Variants in FNDC3B observed in about 807,000 individuals in gnomAD.
FNDC3B encodes fibronectin type III domain containing 3B, also known as fibronectin type III domain-containing protein 3B.
A neutral mutation model predicts 151.5 loss-of-function variants in FNDC3B; 12 were observed. That is an observed-to-expected ratio of 0.08 (90% CI 0.05 to 0.13). FNDC3B has a LOEUF of 0.13. Among genes scored for constraint, FNDC3B ranks in the 10% least tolerant of loss-of-function variants. The probability of loss-of-function intolerance (pLI) is 1.00; values close to 1 mark genes in which losing one functional copy is unlikely to be tolerated. For synonymous variants in FNDC3B, 528 were observed against 549.0 expected, an observed-to-expected ratio of 0.96 and a Z score of 0.54; for missense variants, 1,214 against 1,505.3, an observed-to-expected ratio of 0.81 and a Z score of 3.20.
intron 1 of FNDC3B, among the ~76,000 whole-genome samples, chr3:172,111,423 G>A (rs546271486): frequency 3.9e-5 from 6 of 152,256 alleles, no homozygotes; most frequent in South Asian, 2.1e-4. Flanking sequence ...TATTAACACC[G>A]AATTATAAGA....
chr3:172,253,196 A>G (rs1448158100), intron 6 of FNDC3B, among the ~76,000 whole-genome samples: 1 of 152,236 alleles, frequency 6.6e-6, no homozygotes, highest in Non-Finnish European at 1.5e-5. Flanking sequence ...TGACTTAGAC[A>G]CAAAGAAGCA....
chr3:172,145,080 C>T (rs776026204), intron 3 of FNDC3B, among the ~76,000 whole-genome samples: 5 of 151,448 alleles, frequency 3.3e-5, no homozygotes, highest in East Asian at 1.9e-4. Flanking sequence ...GAATTAAGGT[C>T]GAAGCATTCC....
intron 1 of FNDC3B, among the ~76,000 whole-genome samples, chr3:172,057,296 G>C (rs564345035): frequency 8.5e-4 from 130 of 152,170 alleles, no homozygotes; most frequent in African/African-American, 2.8e-3. Context: ...TCTCTGTCAT[G>C]GTGTAAAGAC....
rs891060267 is a variant in FNDC3B at position 172,179,250 on chromosome 3, C to G, written c.187+45704C>G. Among the ~76,000 whole-genome samples, 6 of 151,814 alleles carry G rather than the reference C, an allele frequency of 4.0e-5. No individual in the cohort carries two copies. The South Asian group carries it at 1.0e-3, about 26-fold the overall frequency. On this transcript the variant is annotated intron_variant, in intron 3 of 25. Coordinates refer to ENST00000415807, the MANE Select transcript of FNDC3B (RefSeq NM_022763.4). ...CTAATGTTTGTATTTTTAGTAGAGA[C>G]GGGTTTTCACCATGTTGGCCAGGCT...
Position 172,119,801 on chromosome 3 carries a change from C to A in FNDC3B, c.111+7211C>A, listed in dbSNP as rs144832632. Among the ~76,000 whole-genome samples the A allele has an allele frequency of 9.4e-4, 143 of 152,316 alleles. 2 individuals carry two copies. The highest frequency in any genetic ancestry group is 3.3e-3 in the African/African-American group (139 of 41,568). ...TTCTCCAGTCCGAAGGTCCACCCGT[C>A]CGCTTGATGCCTGTTGCTCAGAATT... On this transcript the variant is annotated intron_variant, in intron 2 of 25. Coordinates refer to ENST00000415807, the MANE Select transcript of FNDC3B (RefSeq NM_022763.4).
At chr3:172,281,184 A>G (rs1057443968) in intron 6 of FNDC3B, among the ~76,000 whole-genome samples, 1 of 150,964 alleles carries the variant, frequency 6.6e-6, no homozygotes, top group Non-Finnish European at 1.5e-5. Context: ...TGTGTGAAAC[A>G]CTATACAAGA....
At chr3:172,349,360 T>C (rs1198910615) in intron 21 of FNDC3B, among the ~76,000 whole-genome samples, 1 of 152,218 alleles carries the variant, frequency 6.6e-6, no homozygotes, top group Admixed American at 6.5e-5. Flanking sequence ...GCTCAGGAAT[T>C]TTTGAATTTT....
chr3:172,055,165 T>C (rs1175301708), intron 1 of FNDC3B, among the ~76,000 whole-genome samples: 3 of 152,182 alleles, frequency 2.0e-5, no homozygotes, highest in Non-Finnish European at 1.5e-5. Flanking sequence ...AAAATCCTCC[T>C]TCTTTTAAAG....
chr3:172,246,954 C>T (rs1727812387), intron 4 of FNDC3B, among the ~76,000 whole-genome samples: 1 of 152,170 alleles, frequency 6.6e-6, no homozygotes, highest in Non-Finnish European at 1.5e-5. Context: ...TCATTTCATC[C>T]ATATCCTCAG....
In FNDC3B at chr3:172,380,919, C is replaced by T. The variant is rs747436707; in HGVS notation, c.3176-47C>T. The T allele has an allele frequency of 1.2e-5, 20 of 1,603,276 alleles. No individual in the cohort carries two copies. In the South Asian group the frequency reaches 1.3e-4, roughly 11 times the overall value. ...ATAGTGCTAAAGTGTTGACTATTAA[C>T]ATGATACTTTGAATTTTGAGCTTGG... On this transcript the variant is annotated intron_variant, in intron 24 of 25. Transcript: ENST00000415807.
chr3:172,285,837 C>A, intron 6 of FNDC3B, 89 bp from the exon 7 acceptor site: 2 of 872,384 alleles, frequency 2.3e-6, no homozygotes, highest in Admixed American at 2.1e-5. Context: ...TTAATGATAA[C>A]TCCAGTTAAA....
intron 4 of FNDC3B, among the ~76,000 whole-genome samples, chr3:172,239,570 C>T (rs1727360953): frequency 6.6e-6 from 1 of 152,024 alleles, no homozygotes; most frequent in Non-Finnish European, 1.5e-5. Context: ...AGAATCTGCC[C>T]ATTTCCTGGA....
intron 1 of FNDC3B, among the ~76,000 whole-genome samples, chr3:172,081,357 T>G (rs1718272168): frequency 6.6e-6 from 1 of 152,212 alleles, no homozygotes; most frequent in Non-Finnish European, 1.5e-5. Flanking sequence ...TTTTTTTTCT[T>G]TACAGAGCAC....
intron 1 of FNDC3B, among the ~76,000 whole-genome samples, chr3:172,078,515 C>CCAGGGGATCCA (rs1359021210): frequency 1.5e-5 from 1 of 65,316 alleles, no homozygotes; most frequent in Admixed American, 1.9e-4. Context: ...GGTAGAGGAG[C>CCAGGGGATCCA]CAGGCCTGTG....
At chr3:172,065,311 G>A (rs1417611776) in intron 1 of FNDC3B, among the ~76,000 whole-genome samples, 5 of 152,176 alleles carry the variant, frequency 3.3e-5, no homozygotes, top group African/African-American at 1.2e-4. Flanking sequence ...CAGCCTGGGT[G>A]ACAGAGCTAG....
At chr3:172,268,586 T>C (rs1729034166) in intron 6 of FNDC3B, among the ~76,000 whole-genome samples, 2 of 152,134 alleles carry the variant, frequency 1.3e-5, no homozygotes, top group Non-Finnish European at 1.5e-5. Context: ...AAAATACAAG[T>C]CATGTAGATC....
At chr3:172,305,006 A>T (rs1731124837) in intron 9 of FNDC3B, among the ~76,000 whole-genome samples, 1 of 152,062 alleles carries the variant, frequency 6.6e-6, no homozygotes, top group African/African-American at 2.4e-5. Context: ...GTGAAGGCTT[A>T]ATTTTTACTT....
chr3:172,149,806 GTTTTTTTTTT>G (rs10561622), intron 3 of FNDC3B, among the ~76,000 whole-genome samples: 7 of 52,504 alleles, frequency 1.3e-4, no homozygotes, highest in African/African-American at 3.9e-4. Flanking sequence ...TATGTTGGGT[GTTTTTTTTTT>G]TTTTTTTTTT....
At position 172,399,207 on chromosome 3, in the gene FNDC3B, A is replaced by T. The variant is rs919433018; in HGVS notation, c.*1732A>T. 1 of 152,552 alleles carries T rather than the reference A, an allele frequency of 6.6e-6. No homozygotes were observed. The highest frequency in any genetic ancestry group is 2.4e-5 in the African/African-American group (1 of 41,434). The allele number at this position is 152,552 out of a possible 1,614,324, so 9.4% of individuals were successfully genotyped here. On this transcript the variant is annotated 3_prime_UTR_variant, in exon 26 of 26. Coordinates refer to ENST00000415807, the MANE Select transcript of FNDC3B (RefSeq NM_022763.4). ...AAATGCCAATTACAGTGCAATCTTT[A>T]TTTATTGTAAAATTTTTTAAGTGTA...
Sources: allele counts gnomAD v4.1 joint callset (sites outside exome capture counted in the v4.1 genomes callset), GRCh38; gene constraint gnomAD v4.1.1; transcripts MANE v1.5; gene names NCBI Gene and HGNC (gene_info 2026-07-23, HGNC 2026-07-21).